MYO6: variants seen among roughly 807,000 people sequenced by gnomAD.
MYO6 encodes the protein myosin VI.
Under a neutral mutation model 178.7 loss-of-function variants are expected in MYO6, and 74 were observed. The observed-to-expected ratio is 0.41, with a 90% confidence interval of 0.34 to 0.50. The LOEUF is 0.50. MYO6 is among the 20% of genes least tolerant of loss of function. The pLI is 0.09. For missense variants in MYO6, 1,330 were observed against 1,547.4 expected, an observed-to-expected ratio of 0.86 and a Z score of 2.36; for synonymous variants, 477 against 504.6, an observed-to-expected ratio of 0.95 and a Z score of 0.73.
At chr6:75,851,423 A>G (rs1392977747) in intron 11 of MYO6, among the ~76,000 whole-genome samples, 2 of 152,178 alleles carry the variant, frequency 1.3e-5, no homozygotes, top group African/African-American at 2.4e-5. Context: ...GACTCTTCCT[A>G]TAGATCCAAA....
At chr6:75,826,265 G>A (rs1430336344) in intron 3 of MYO6, among the ~76,000 whole-genome samples, 1 of 152,116 alleles carries the variant, frequency 6.6e-6, no homozygotes, top group Non-Finnish European at 1.5e-5. Context: ...TGGCCTGTGT[G>A]GCATGATTTC....
chr6:75,896,019 C>T (rs16886942), intron 29 of MYO6, among the ~76,000 whole-genome samples: 13,342 of 151,984 alleles, frequency 0.088, 769 homozygotes, highest in East Asian at 0.3. Context: ...AATCTACCCA[C>T]AAAGAATCCA....
chr6:75,881,424 C>A (rs1413242536), intron 22 of MYO6, among the ~76,000 whole-genome samples: 1 of 32,898 alleles, frequency 3.0e-5, no homozygotes, highest in African/African-American at 7.9e-5. Context: ...TAAAAGTCAT[C>A]CCCCCCCCCC....
chr6:75,881,867 GT>G, intron 23 of MYO6, 49 bp downstream of exon 23: 1 of 1,606,228 alleles, frequency 6.2e-7, no homozygotes, highest in South Asian at 1.1e-5. Flanking sequence ...TTTCAAGATG[GT>G]TTGTGGAGTG....
At chr6:75,904,931 A>T (rs1780152205) in intron 30 of MYO6, among the ~76,000 whole-genome samples, 1 of 152,094 alleles carries the variant, frequency 6.6e-6, no homozygotes, top group Non-Finnish European at 1.5e-5. Context: ...TCTGTTTGTT[A>T]GTTTTCCTTC....
rs1006757765 is a variant in MYO6 at position 75,915,949 on chromosome 6, C to T, written c.*937C>T. ...CAACATCTTTCTTTTTAAGAAATTC[C>T]TAGTGTCTTTTTTGGCCTTTGAGGT... On this transcript the variant is annotated 3_prime_UTR_variant, in exon 35 of 35. Transcript: ENST00000369977. The T allele has an allele frequency of 1.3e-5, 2 of 152,482 alleles. No homozygotes were observed. Among genetic ancestry groups the T allele is most frequent in the African/African-American group, 2.4e-5 (1 of 41,412 alleles). The allele number at this position is 152,482 out of a possible 1,614,324, so 9.4% of individuals were successfully genotyped here. A position where few individuals can be genotyped will look rare whatever the true frequency, so the allele number is the denominator to read the frequency against.
chr6:75,750,097 CTTTTT>C lies in MYO6; in HGVS notation c.-48+686_-48+690del, dbSNP rs200110417. Among the ~76,000 whole-genome samples, 106 of 137,920 alleles carry C rather than the reference CTTTTT, an allele frequency of 7.7e-4. 2 individuals carry two copies. In the South Asian group the frequency reaches 0.01, roughly 13 times the overall value. The allele number at this position is 137,920 out of a possible 152,430, so 90.5% of individuals were successfully genotyped here. A position where few individuals can be genotyped will look rare whatever the true frequency, so the allele number is the denominator to read the frequency against. Reference sequence around the variant, plus strand: ...CCATACAGTTTAAAAAATTCATTACCTTTTTTTTTTTTTTTTGAGACGGAGCCTTG... The same window carrying C: ...CCATACAGTTTAAAAAATTCATTACCTTTTTTTTTTTGAGACGGAGCCTTG... On this transcript the variant is annotated intron_variant, in intron 1 of 34. Transcript: ENST00000369977.
chr6:75,880,946 A>G (rs1777967991), intron 22 of MYO6, among the ~76,000 whole-genome samples: 1 of 152,132 alleles, frequency 6.6e-6, no homozygotes, highest in Admixed American at 6.5e-5. Context: ...AAAATTTCTC[A>G]TCTCTGTTTA....
At chr6:75,863,988 C>G (rs917727595) in intron 16 of MYO6, among the ~76,000 whole-genome samples, 6 of 152,112 alleles carry the variant, frequency 3.9e-5, no homozygotes, top group African/African-American at 1.4e-4. Flanking sequence ...CTGGCTAGCA[C>G]AGACAATGTG....
rs60970824 is a variant in MYO6 at position 75,886,971 on chromosome 6, G to A, written c.2635G>A (p.Asp879Asn). The change falls in exon 25 of 35, where the codon GAT (aspartate) becomes AAT (asparagine). Residue 879 changes from aspartate (D) to asparagine (N), a missense_variant. By Grantham distance (23) the Asp-to-Asn change is conservative. Coordinates refer to ENST00000369977, the MANE Select transcript of MYO6 (RefSeq NM_004999.4). The part of the protein sequence containing the change: ...KQIKNLEISI[D>N]TLMAKIKSTM... ...GATCAAGAATCTGGAAATTTCTATT[G>A]ATACTTTGATGGCCAAAATTAAGGT... is the stretch of plus-strand genomic sequence containing the variant. 3.1e-4 allele frequency: 500 copies of A among 1,613,632 alleles called. No individual in the cohort carries two copies. In the African/African-American group the frequency reaches 6.1e-3, roughly 20 times the overall value.
intron 1 of MYO6, among the ~76,000 whole-genome samples, chr6:75,784,885 A>G (rs1445461062): frequency 6.6e-6 from 1 of 152,010 alleles, no homozygotes; most frequent in Non-Finnish European, 1.5e-5. Flanking sequence ...AGAGAAACTA[A>G]AAGTGATTTG....
chr6:75,831,412 C>G (rs1343671147), intron 5 of MYO6, among the ~76,000 whole-genome samples: 1 of 152,192 alleles, frequency 6.6e-6, no homozygotes, highest in East Asian at 1.9e-4. Context: ...AGGGCAGCAG[C>G]AGATTTACTT....
At chr6:75,760,178 A>G (rs1777824484) in intron 1 of MYO6, among the ~76,000 whole-genome samples, 1 of 152,216 alleles carries the variant, frequency 6.6e-6, no homozygotes. Flanking sequence ...AGGACACATT[A>G]AATTTCTGTA....
At chr6:75,763,929 C>T (rs1367394520) in intron 1 of MYO6, among the ~76,000 whole-genome samples, 1 of 152,106 alleles carries the variant, frequency 6.6e-6, no homozygotes, top group Non-Finnish European at 1.5e-5. Flanking sequence ...GGTCTTGATC[C>T]CAGATTCATT....
Position 75,910,606 on chromosome 6 carries a change from C to T in MYO6, c.3413-1066C>T. ...GAATTTATGTGAACACAACCCCACA[C>T]ATACATATTAAGCCTTCAGAGAACT... On this transcript the variant is annotated intron_variant, in intron 32 of 34. Coordinates refer to ENST00000369977, the MANE Select transcript of MYO6 (RefSeq NM_004999.4). 1.3e-5 allele frequency among the ~76,000 whole-genome samples: 2 copies of T among 152,166 alleles called. 1 individual carries two copies. The highest frequency in any genetic ancestry group is 2.9e-5 in the Non-Finnish European group (2 of 67,998).
intron 3 of MYO6, among the ~76,000 whole-genome samples, chr6:75,824,466 T>A (rs539384435): frequency 3.3e-4 from 51 of 152,298 alleles, no homozygotes; most frequent in African/African-American, 1.2e-3. Context: ...TACTTTCATC[T>A]GAGGCATGCC....
chr6:75,873,594 T>A (rs1022293975), intron 20 of MYO6, among the ~76,000 whole-genome samples: 2 of 152,108 alleles, frequency 1.3e-5, no homozygotes, highest in African/African-American at 4.8e-5. Flanking sequence ...AAGAAAAGCA[T>A]AGATGGCAAA....
At chr6:75,790,520 T>G (rs1768116370) in intron 1 of MYO6, among the ~76,000 whole-genome samples, 1 of 152,082 alleles carries the variant, frequency 6.6e-6, no homozygotes, top group Non-Finnish European at 1.5e-5. Context: ...TAGCTAGGAT[T>G]ACAGGTGTGT....
chr6:75,854,643 T>G (rs1775582088), intron 11 of MYO6, among the ~76,000 whole-genome samples: 1 of 152,130 alleles, frequency 6.6e-6, no homozygotes, highest in Non-Finnish European at 1.5e-5. Flanking sequence ...TTCACTCCCT[T>G]CGACCCCAAG....
Sources: allele counts gnomAD v4.1 joint callset (sites outside exome capture counted in the v4.1 genomes callset), GRCh38; gene constraint gnomAD v4.1.1; transcripts MANE v1.5; gene names NCBI Gene and HGNC (gene_info 2026-07-23, HGNC 2026-07-21).